APOL1: variants seen among roughly 807,000 people sequenced by gnomAD.
APOL1 encodes the protein apolipoprotein L 1.
Under a neutral mutation model 14.9 loss-of-function variants are expected in APOL1, and 17 were observed. The ratio of observed to expected loss-of-function variants is 1.14; its 90% CI spans 0.78 to 1.71. APOL1 has a LOEUF of 1.71. Ranked by LOEUF, APOL1 falls within the 40% of genes most tolerant of loss-of-function variation. The pLI is 0.00. For synonymous variants in APOL1, 195 were observed against 184.8 expected (o/e 1.05, Z -0.45); for missense variants, 523 against 485.9 (o/e 1.08, Z -0.72).
intron 4 of APOL1, among the ~76,000 whole-genome samples, chr22:36,258,194 C>T (rs2015956779): frequency 6.6e-6 from 1 of 152,176 alleles, no homozygotes; most frequent in South Asian, 2.1e-4. Flanking sequence ...CTGCCCATCA[C>T]AAGCACCTGC....
intron 5 of APOL1, among the ~76,000 whole-genome samples, chr22:36,262,600 C>A (rs886636343): frequency 1.3e-5 from 2 of 152,146 alleles, no homozygotes; most frequent in Non-Finnish European, 1.5e-5. Context: ...GCTGGGGCAC[C>A]AGGGCTGGGA....
rs141788376 is a variant in APOL1 at position 36,265,745 on chromosome 22, C to G, written c.909C>G (p.Arg303=). Residue 303 remains arginine (R), a synonymous_variant, in exon 6 of 6, where the codon CGC becomes CGG. Coordinates refer to ENST00000397278, the MANE Select transcript of APOL1 (RefSeq NM_003661.4). The part of the protein sequence containing the change: ...LQSVPHASAS[R]PRVTEPISAE... ...CAGTACCGCATGCCTCAGCCTCACG[C>G]CCCCGGGTCACTGAGCCAATCTCAG... 1.9e-6 allele frequency: 3 copies of G among 1,613,968 alleles called. No homozygotes were observed. Among genetic ancestry groups the G allele is most frequent in the Admixed American group, 3.3e-5 (2 of 60,002 alleles).
chr22:36,254,792 G>A (rs1311419418), intron 1 of APOL1, 145 bp from the exon 2 acceptor site: 2 of 1,009,002 alleles, frequency 2.0e-6, no homozygotes, highest in East Asian at 2.9e-5. Context: ...GAACCCGGGA[G>A]GCAGAGCTTG....
rs747270697 is a variant in APOL1, at chr22:36,259,914, C to T, written c.188-1682C>T. On this transcript the variant is annotated intron_variant, in intron 4 of 5. Transcript: ENST00000397278. The stretch of plus-strand genomic sequence containing the variant: ...ATTATTTTTAAACTTTAAATAGCCC[C>T]ACAGGTAAGCTATAAGGGAGAATGC... 68 of 1,296,282 alleles carry T rather than the reference C, an allele frequency of 5.2e-5. No homozygotes were observed. The East Asian group carries it at 2.7e-3, about 51-fold the overall frequency. 80.3% of individuals were successfully genotyped at this position (1,296,282 alleles called of 1,614,324 possible).
intron 2 of APOL1, 22 bp from the exon 3 acceptor site, chr22:36,257,061 T>G (rs375794311): frequency 6.2e-7 from 1 of 1,613,916 alleles, no homozygotes; most frequent in African/African-American, 1.3e-5. Flanking sequence ...CCTCTGATTA[T>G]CTTCTCCTCA....
At chr22:36,256,292 T>C (rs1239498421) in intron 2 of APOL1, among the ~76,000 whole-genome samples, 1 of 152,264 alleles carries the variant, frequency 6.6e-6, no homozygotes, top group African/African-American at 2.4e-5. Flanking sequence ...GCCTGCAGTG[T>C]GGCTCTAGGT....
chr22:36,264,735 G>A (rs572327019), intron 5 of APOL1, among the ~76,000 whole-genome samples: 3 of 151,862 alleles, frequency 2.0e-5, no homozygotes, highest in Non-Finnish European at 4.4e-5. Context: ...CTATTTGATC[G>A]ATAGTGAAAG....
chr22:36,257,087 A>G lies in APOL1; in HGVS notation c.49A>G (p.Ser17Gly). 1 of 1,614,134 alleles carries G rather than the reference A, an allele frequency of 6.2e-7. No homozygotes were observed. The highest frequency in any genetic ancestry group is 1.3e-5 in the African/African-American group (1 of 75,018). The stretch of plus-strand genomic sequence containing the variant: ...CTTCTCCTCATACCCCAACAGGATG[A>G]GTGCACTTTTCCTTGGTGTGGGAGT... ...LRVSVLCIWM[S>G]ALFLGVGVRA... Residue 17 changes from serine to glycine, a missense_variant, in exon 3 of 6, where the codon AGT becomes GGT. Coordinates refer to ENST00000397278, the MANE Select transcript of APOL1 (RefSeq NM_003661.4).
intron 5 of APOL1, among the ~76,000 whole-genome samples, chr22:36,264,728 T>C (rs1342653771): frequency 6.6e-6 from 1 of 152,206 alleles, no homozygotes. Context: ...TTTGTTTCTA[T>C]TTGATCGATA....
At position 36,253,160 on chromosome 22, in the gene APOL1, G is replaced by C. The variant is rs2015741263; in HGVS notation, c.-79G>C. 1 of 504,344 alleles carries C rather than the reference G, an allele frequency of 2.0e-6. No homozygotes were observed. The highest frequency in any genetic ancestry group is 4.0e-6 in the Non-Finnish European group (1 of 252,746). 31.2% of individuals were successfully genotyped at this position (504,344 alleles called of 1,614,324 possible). On this transcript the variant is annotated 5_prime_UTR_variant, in exon 1 of 6. Transcript: ENST00000397278. ...TATACAGACGCATAACTGGAGGTGGGATCCACACAGCTCAGAACAGCTGGA... is the reference window on the plus strand; with the variant it reads ...TATACAGACGCATAACTGGAGGTGGCATCCACACAGCTCAGAACAGCTGGA...
In APOL1 at chr22:36,266,116, G is replaced by A. The variant is rs2016254098; in HGVS notation, c.*83G>A. 6.9e-7 allele frequency: 1 copy of A among 1,455,838 alleles called. No homozygotes were observed. Among genetic ancestry groups the A allele is most frequent in the Non-Finnish European group, 9.2e-7 (1 of 1,084,960 alleles). The allele number at this position is 1,455,838 out of a possible 1,614,324, so 90.2% of individuals were successfully genotyped here. On this transcript the variant is annotated 3_prime_UTR_variant, in exon 6 of 6. Coordinates refer to ENST00000397278, the MANE Select transcript of APOL1 (RefSeq NM_003661.4). ...CAAACTTTTTTTTTTTTCTGAGACA[G>A]AGTCTTGCTCTGTCGCCAAGTTGGA... is the stretch of plus-strand genomic sequence containing the variant.
At chr22:36,254,806 C>T (rs1032129167) in intron 1 of APOL1, 131 bp from the exon 2 acceptor site, 26 of 1,163,210 alleles carry the variant, frequency 2.2e-5, no homozygotes, top group East Asian at 1.9e-4. Context: ...GAGCTTGTAG[C>T]GAGCCTAGAT....
At position 36,265,427 on chromosome 22, in the gene APOL1, A is replaced by AT; in HGVS notation, c.591_592insT (p.Pro198SerfsTer52). On this transcript the variant is annotated frameshift_variant, in exon 6 of 6. Transcript: ENST00000397278. LOFTEE classifies it low-confidence loss of function (END_TRUNC). ...TGACCCTCGTCGGCATGGGTCTGGC[A>AT]CCCTTCACAGAGGGAGGCAGCCTTG... The AT allele has an allele frequency of 1.2e-6, 2 of 1,614,002 alleles. No individual in the cohort carries two copies. The highest frequency in any genetic ancestry group is 1.7e-6 in the Non-Finnish European group (2 of 1,180,008).
In APOL1 at chr22:36,265,844, G is replaced by C. The variant is rs373044647; in HGVS notation, c.1008G>C (p.Thr336=). 2 of 1,614,036 alleles carry C rather than the reference G, an allele frequency of 1.2e-6. No homozygotes were observed. Among genetic ancestry groups the C allele is most frequent in the Non-Finnish European group, 1.7e-6 (2 of 1,180,048 alleles). The change falls in exon 6 of 6, where the codon ACG becomes ACC. Residue 336 remains threonine, a synonymous_variant. Transcript: ENST00000397278. The part of the protein sequence containing the change: ...ILEMSRGVKL[T]DVAPVSFFLV... ...AAATGAGCAGAGGAGTCAAGCTCAC[G>C]GATGTGGCCCCTGTAAGCTTCTTTC... is the stretch of plus-strand genomic sequence containing the variant.
chr22:36,257,677 C>T, intron 4 of APOL1: 1 of 302,564 alleles, frequency 3.3e-6, no homozygotes. Flanking sequence ...GCAGGACATC[C>T]TTGGGGAAGT....
Position 36,265,437 on chromosome 22 carries a change from G to T in APOL1, c.601G>T (p.Glu201Ter). Reference sequence around the variant, plus strand: ...CGGCATGGGTCTGGCACCCTTCACAGAGGGAGGCAGCCTTGTACTCTTGGA... The same window carrying T: ...CGGCATGGGTCTGGCACCCTTCACATAGGGAGGCAGCCTTGTACTCTTGGA... Reference protein sequence around the residue: ...LVGMGLAPFTEGGSLVLLEPG... With the variant: ...LVGMGLAPFT Residue 201 changes from glutamate (E) to a stop codon, truncating the protein, a stop_gained, in exon 6 of 6, where the codon GAG becomes TAG. Transcript: ENST00000397278. LOFTEE classifies it low-confidence loss of function (END_TRUNC). 6.2e-7 allele frequency: 1 copy of T among 1,614,162 alleles called. No individual in the cohort carries two copies. The highest frequency in any genetic ancestry group is 8.5e-7 in the Non-Finnish European group (1 of 1,180,028).
chr22:36,258,275 C>A (rs1387408020), intron 4 of APOL1, among the ~76,000 whole-genome samples: 1 of 152,202 alleles, frequency 6.6e-6, no homozygotes, highest in African/African-American at 2.4e-5. Context: ...AAAGAAAAAT[C>A]TGAGGCCCAA....
At position 36,266,404 on chromosome 22, in the gene APOL1, T is replaced by G. The variant is rs1165300361; in HGVS notation, c.*371T>G. On this transcript the variant is annotated 3_prime_UTR_variant, in exon 6 of 6. Coordinates refer to ENST00000397278, the MANE Select transcript of APOL1 (RefSeq NM_003661.4). ...GCTTTTGACCCAAATGCAAACATTT[T>G]ATTAGGGGGATAAAGAGGGTGAGGT... 2.4e-6 allele frequency: 1 copy of G among 409,544 alleles called. No individual in the cohort carries two copies. The highest frequency in any genetic ancestry group is 3.5e-5 in the East Asian group (1 of 28,372). 25.4% of individuals were successfully genotyped at this position (409,544 alleles called of 1,614,324 possible). A position where few individuals can be genotyped will look rare whatever the true frequency, so the allele number is the denominator to read the frequency against.
rs146012136 is a variant in APOL1 at position 36,260,200 on chromosome 22, C to T, written c.188-1396C>T. ...ACAAGGTCAGGAGATCGAGACGATCCTGTCTAACACGATGAAACCCTGTCT... is the reference window on the plus strand; with the variant it reads ...ACAAGGTCAGGAGATCGAGACGATCTTGTCTAACACGATGAAACCCTGTCT... On this transcript the variant is annotated intron_variant, in intron 4 of 5. Coordinates refer to ENST00000397278, the MANE Select transcript of APOL1 (RefSeq NM_003661.4). Among the ~76,000 whole-genome samples, 370 of 152,312 alleles carry T rather than the reference C, an allele frequency of 2.4e-3. 2 individuals carry two copies. The highest frequency in any genetic ancestry group is 8.1e-3 in the African/African-American group (335 of 41,558).
Sources: allele counts gnomAD v4.1 joint callset (sites outside exome capture counted in the v4.1 genomes callset), GRCh38; gene constraint gnomAD v4.1.1; transcripts MANE v1.5; gene names NCBI Gene and HGNC (gene_info 2026-07-23, HGNC 2026-07-21).